The following SEMA5A variants were observed in gnomAD, a reference collection of about 807,000 sequenced individuals.
The protein encoded by SEMA5A is semaphorin-5A.
A neutral mutation model predicts 135.5 loss-of-function variants in SEMA5A; 55 were observed. That is an observed-to-expected ratio of 0.41 (90% CI 0.33 to 0.51). The LOEUF is 0.51. Ranked by LOEUF, SEMA5A falls within the 20% of genes least tolerant of loss-of-function variation. SEMA5A has a pLI of 0.37. For synonymous variants in SEMA5A, 580 were observed against 546.5 expected, an observed-to-expected ratio of 1.06 and a Z score of -0.85; for missense variants, 1,290 against 1,419.9, an observed-to-expected ratio of 0.91 and a Z score of 1.47.
chr5:9,205,750 A>T (rs1745978349), intron 8 of SEMA5A, among the ~76,000 whole-genome samples: 1 of 152,224 alleles, frequency 6.6e-6, no homozygotes, highest in African/African-American at 2.4e-5. Context: ...AGTGCAGGTC[A>T]TGTTGGTCAG....
At chr5:9,156,402 C>G (rs549843561) in intron 11 of SEMA5A, among the ~76,000 whole-genome samples, 1 of 152,300 alleles carries the variant, frequency 6.6e-6, no homozygotes, top group East Asian at 1.9e-4. Flanking sequence ...TCACATGTGT[C>G]AGCCACAGGC....
At chr5:9,379,760 T>C in intron 3 of SEMA5A, 63 bp downstream of exon 3, 1 of 1,576,658 alleles carries the variant, frequency 6.3e-7, no homozygotes, top group Non-Finnish European at 8.7e-7. Context: ...TTATCTTCTA[T>C]CACTAAACAC....
chr5:9,243,728 A>G lies in SEMA5A; in HGVS notation c.271-5838T>C, dbSNP rs114156518. 4.0e-3 allele frequency among the ~76,000 whole-genome samples: 614 copies of G among 152,292 alleles called. 4 individuals carry two copies. The highest frequency in any genetic ancestry group is 0.014 in the African/African-American group (576 of 41,578). Reference sequence around the variant, plus strand: ...ATAATAAGATTTTGGATGAGGACTTAGGGTAAATAACTTGCCAAAGGCCAC... The same window carrying G: ...ATAATAAGATTTTGGATGAGGACTTGGGGTAAATAACTTGCCAAAGGCCAC... On this transcript the variant is annotated intron_variant, in intron 5 of 22. Transcript: ENST00000382496.
At chr5:9,518,086 CAAA>C (rs1246627977) in intron 1 of SEMA5A, 2 of 152,034 alleles carry the variant, frequency 1.3e-5, no homozygotes, top group Non-Finnish European at 2.9e-5. Flanking sequence ...CACCAAAAAA[CAAA>C]AAAATTAACG....
At chr5:9,465,825 T>C (rs1482274943) in intron 1 of SEMA5A, among the ~76,000 whole-genome samples, 1 of 152,182 alleles carries the variant, frequency 6.6e-6, no homozygotes, top group Admixed American at 6.5e-5. Context: ...CTTTTTACTG[T>C]TTTGGGTCCT....
At chr5:9,329,235 C>A (rs1028078107) in intron 4 of SEMA5A, among the ~76,000 whole-genome samples, 42 of 152,186 alleles carry the variant, frequency 2.8e-4, no homozygotes, top group Non-Finnish European at 5.0e-4. Flanking sequence ...GCCCGTCTCA[C>A]CCACTAGGCC....
intron 5 of SEMA5A, among the ~76,000 whole-genome samples, chr5:9,286,242 T>C (rs919898549): frequency 6.6e-6 from 1 of 152,214 alleles, no homozygotes; most frequent in African/African-American, 2.4e-5. Context: ...CTTATGAGCC[T>C]CTATTTGATA....
chr5:9,432,574 G>A (rs1022315420), intron 2 of SEMA5A, among the ~76,000 whole-genome samples: 1 of 152,072 alleles, frequency 6.6e-6, no homozygotes, highest in Non-Finnish European at 1.5e-5. Context: ...ATCAAGACAA[G>A]TAAAGACTGA....
At chr5:9,469,476 C>T (rs1412948984) in intron 1 of SEMA5A, among the ~76,000 whole-genome samples, 1 of 152,148 alleles carries the variant, frequency 6.6e-6, no homozygotes, top group African/African-American at 2.4e-5. Context: ...TATTAAGCAA[C>T]CATAAAAACA....
intron 3 of SEMA5A, among the ~76,000 whole-genome samples, chr5:9,350,126 T>C (rs999195399): frequency 2.0e-5 from 3 of 152,140 alleles, no homozygotes; most frequent in African/African-American, 4.8e-5. Flanking sequence ...GGAGCCTTTG[T>C]TGGATGGAAA....
chr5:9,179,235 G>A (rs1021835353), intron 11 of SEMA5A, among the ~76,000 whole-genome samples: 1 of 152,098 alleles, frequency 6.6e-6, no homozygotes, highest in African/African-American at 2.4e-5. Flanking sequence ...TTTGTATCAG[G>A]CAGGATCTGT....
intron 5 of SEMA5A, among the ~76,000 whole-genome samples, chr5:9,283,658 G>T (rs1433375562): frequency 6.6e-6 from 1 of 152,158 alleles, no homozygotes; most frequent in Non-Finnish European, 1.5e-5. Context: ...CCACCAGGGG[G>T]CAGAATCCTG....
At chr5:9,086,346 G>T (rs1038201607) in intron 16 of SEMA5A, among the ~76,000 whole-genome samples, 1 of 152,148 alleles carries the variant, frequency 6.6e-6, no homozygotes, top group African/African-American at 2.4e-5. Context: ...ATTCCCACGT[G>T]TTGTGGGAGG....
intron 9 of SEMA5A, among the ~76,000 whole-genome samples, chr5:9,199,429 C>T (rs573279043): frequency 8.5e-5 from 13 of 152,306 alleles, no homozygotes; most frequent in African/African-American, 3.1e-4. Context: ...CCTCCCCGCT[C>T]TTCCTAGGAT....
In SEMA5A at chr5:9,333,948, T is replaced by C. The variant is rs182143591; in HGVS notation, c.224+3765A>G. Among the ~76,000 whole-genome samples, 135 of 152,144 alleles carry C rather than the reference T, an allele frequency of 8.9e-4. 1 individual carries two copies. The highest frequency in any genetic ancestry group is 2.1e-3 in the Admixed American group (32 of 15,260). Reference sequence around the variant, plus strand: ...AAAACAAGATATGACTGTTGATGCATTTAACATAATACGAAAGTTCATGTG... The same window carrying C: ...AAAACAAGATATGACTGTTGATGCACTTAACATAATACGAAAGTTCATGTG... On this transcript the variant is annotated intron_variant, in intron 4 of 22. Coordinates refer to ENST00000382496, the MANE Select transcript of SEMA5A (RefSeq NM_003966.3).
chr5:9,388,864 A>G (rs576069726), intron 2 of SEMA5A, among the ~76,000 whole-genome samples: 113 of 151,184 alleles, frequency 7.5e-4, no homozygotes, highest in African/African-American at 2.7e-3. Context: ...TCGCCACTGC[A>G]CTCCAGCCTG....
Position 9,368,292 on chromosome 5 carries a change from C to T in SEMA5A, c.124+11531G>A, listed in dbSNP as rs970099201. 2.0e-5 allele frequency among the ~76,000 whole-genome samples: 3 copies of T among 152,168 alleles called. No individual in the cohort carries two copies. The East Asian group carries it at 5.8e-4, about 29-fold the overall frequency. The stretch of plus-strand genomic sequence containing the variant: ...GCCCAAAAATATGTGGCATTGTATC[C>T]TAACAAACTCAGGCTATTTCTAAAG... On this transcript the variant is annotated intron_variant, in intron 3 of 22. Transcript: ENST00000382496.
At position 9,310,938 on chromosome 5, in the gene SEMA5A, T is replaced by C. The variant is rs535309595; in HGVS notation, c.270+7434A>G. Among the ~76,000 whole-genome samples the C allele has an allele frequency of 1.8e-4, 27 of 151,710 alleles. 2 individuals are homozygous for C. The South Asian group carries it at 5.4e-3, about 30-fold the overall frequency. On this transcript the variant is annotated intron_variant, in intron 5 of 22. Transcript: ENST00000382496. ...TTAGATTTCTTCATATGTGGAGACATATATATTCAACATATATACATAGAA... is the reference window on the plus strand; with the variant it reads ...TTAGATTTCTTCATATGTGGAGACACATATATTCAACATATATACATAGAA...
chr5:9,457,411 C>A (rs1191713781), intron 1 of SEMA5A, among the ~76,000 whole-genome samples: 1 of 152,152 alleles, frequency 6.6e-6, no homozygotes, highest in Non-Finnish European at 1.5e-5. Flanking sequence ...TAACAGCAAC[C>A]AGGTTGCAAG....
Sources: gnomAD v4.1 joint callset for allele counts (sites outside exome capture counted in the v4.1 genomes callset) on GRCh38, gnomAD v4.1.1 for gene constraint, MANE v1.5 for transcripts, NCBI Gene and HGNC (gene_info 2026-07-23, HGNC 2026-07-21) for gene names.